The following DYNC2H1 variants were observed in gnomAD, a reference collection of about 807,000 sequenced individuals.
DYNC2H1 encodes dynein cytoplasmic 2 heavy chain 1.
In DYNC2H1, 410 loss-of-function variants were observed where a neutral mutation model predicts 570.0. The ratio of observed to expected loss-of-function variants is 0.72; its 90% confidence interval spans 0.66 to 0.78. The LOEUF (loss-of-function observed/expected upper bound fraction) is 0.78. DYNC2H1 is among the 30% of genes least tolerant of loss of function. The probability of loss-of-function intolerance (pLI) is 0.00; values close to 1 mark genes in which losing one functional copy is unlikely to be tolerated. For missense variants in DYNC2H1, 4,865 were observed against 5,046.4 expected, an observed-to-expected ratio of 0.96 and a Z score of 1.09; for synonymous variants, 1,688 against 1,677.6, an observed-to-expected ratio of 1.01 and a Z score of -0.15.
Position 103,240,706 on chromosome 11 carries a change from A to G in DYNC2H1, c.9820-2987A>G, listed in dbSNP as rs1325185420. Among the ~76,000 whole-genome samples, 4 of 152,150 alleles carry G rather than the reference A, an allele frequency of 2.6e-5. No homozygotes were observed. The East Asian group carries it at 5.8e-4, about 22-fold the overall frequency. ...TTTGTATGTGGATAAATATATCATT[A>G]TACCAGCTGGTTCCTTGTCTCCAGT... On this transcript the variant is annotated intron_variant, in intron 63 of 88. Transcript: ENST00000375735.
intron 76 of DYNC2H1, 44 bp downstream of exon 76, chr11:103,303,297 T>C (rs188087818): frequency 1.3e-6 from 2 of 1,579,152 alleles, no homozygotes; most frequent in East Asian, 2.3e-5. Context: ...GCTATTGCTG[T>C]TCCCACACTT....
intron 63 of DYNC2H1, among the ~76,000 whole-genome samples, chr11:103,240,089 A>T (rs1864372151): frequency 6.6e-6 from 1 of 152,132 alleles, no homozygotes; most frequent in Non-Finnish European, 1.5e-5. Flanking sequence ...AAAACTAGCA[A>T]TTTATGCTTT....
chr11:103,424,140 G>T (rs1943585973), intron 84 of DYNC2H1, among the ~76,000 whole-genome samples: 1 of 152,070 alleles, frequency 6.6e-6, no homozygotes, highest in Admixed American at 6.6e-5. Context: ...TATTTTGGGG[G>T]ATTGATAAAA....
Position 103,121,483 on chromosome 11 carries a change from A to G in DYNC2H1, c.1472A>G (p.Gln491Arg). The G allele has an allele frequency of 6.2e-7, 1 of 1,612,388 alleles. No individual in the cohort carries two copies. Residue 491 changes from glutamine (Q) to arginine (R), a missense_variant, in exon 10 of 89, where the codon CAG becomes CGG. By Grantham distance (43) the Gln-to-Arg change is conservative (BLOSUM62 1). This residue lies in a region of DYNC2H1 where 1,936 missense variants were observed against 1,962.1 expected (regional missense o/e 0.99). Coordinates refer to ENST00000375735, the MANE Select transcript of DYNC2H1 (RefSeq NM_001377.3). ...EVVNSIVWVRQLELKVDDTIK... is the reference protein window; with the variant it reads ...EVVNSIVWVRRLELKVDDTIK... The stretch of plus-strand genomic sequence containing the variant: ...GTCAACAGTATAGTTTGGGTTCGCC[A>G]GTTGGAATTGAAGGTATTTATTTTA...
chr11:103,335,530 G>GC (rs1249662491), intron 82 of DYNC2H1, among the ~76,000 whole-genome samples: 2 of 151,868 alleles, frequency 1.3e-5, no homozygotes, highest in African/African-American at 2.4e-5. Context: ...TTTGAGAATT[G>GC]TTTTTTTAAA....
intron 84 of DYNC2H1, among the ~76,000 whole-genome samples, chr11:103,425,512 T>C (rs1036345943): frequency 2.0e-5 from 3 of 152,082 alleles, no homozygotes; most frequent in Admixed American, 6.6e-5. Context: ...TTCACCCTCA[T>C]AACCTATTTC....
intron 56 of DYNC2H1, 111 bp downstream of exon 56, chr11:103,220,139 T>A: frequency 1.7e-6 from 1 of 581,752 alleles, no homozygotes; most frequent in Non-Finnish European, 2.7e-6. Context: ...TTATAAAATG[T>A]GGTTTTCAAC....
chr11:103,377,359 G>C (rs1941435460), intron 83 of DYNC2H1, among the ~76,000 whole-genome samples: 1 of 151,724 alleles, frequency 6.6e-6, no homozygotes. Flanking sequence ...TTTTCTTCAA[G>C]TTCAGAGACT....
rs745651841 is a variant in DYNC2H1, at chr11:103,391,896, A to AT, written c.12157-7765dup. 2.1e-3 allele frequency among the ~76,000 whole-genome samples: 277 copies of AT among 129,532 alleles called. 1 individual carries two copies. Among genetic ancestry groups the AT allele is most frequent in the Non-Finnish European group, 4.2e-3 (233 of 55,068 alleles). 85.0% of individuals were successfully genotyped at this position (129,532 alleles called of 152,430 possible). ...GGGGTACCCAGCCGTGTGAGGTGTC[A>AT]TTGTGCCCCTACTGGGGGGTGCCTC... On this transcript the variant is annotated intron_variant, in intron 83 of 88. Transcript: ENST00000375735.
In DYNC2H1 at chr11:103,399,983, A is replaced by C. The variant is rs1942570630; in HGVS notation, c.12366+111A>C. On this transcript the variant is annotated intron_variant, in intron 84 of 88. Transcript: ENST00000375735. ...GTTAATAGCAGAAGACCCGAGTCAC[A>C]CTGGCTTAAGCCATATAAAAATTAA... The C allele has an allele frequency of 7.9e-6, 7 of 884,782 alleles. No individual in the cohort carries two copies. In the South Asian group the frequency reaches 1.3e-4, roughly 16 times the overall value. The allele number at this position is 884,782 out of a possible 1,614,324, so 54.8% of individuals were successfully genotyped here. A position where few individuals can be genotyped will look rare whatever the true frequency, so the allele number is the denominator to read the frequency against.
chr11:103,362,674 C>T (rs991176110), intron 83 of DYNC2H1, among the ~76,000 whole-genome samples: 4 of 152,176 alleles, frequency 2.6e-5, no homozygotes, highest in South Asian at 4.2e-4. Context: ...CCAAATAGAG[C>T]GCTACAAAGT....
intron 82 of DYNC2H1, among the ~76,000 whole-genome samples, chr11:103,352,144 A>G (rs1010810108): frequency 1.3e-5 from 2 of 152,050 alleles, no homozygotes; most frequent in South Asian, 2.1e-4. Flanking sequence ...ACCATTAGCT[A>G]TCTACCATTT....
At chr11:103,221,946 A>C (rs544778650) in intron 57 of DYNC2H1, 84 bp from the exon 58 acceptor site, 2 of 1,412,662 alleles carry the variant, frequency 1.4e-6, no homozygotes, top group Non-Finnish European at 2.0e-6. Flanking sequence ...AAAGTATTGC[A>C]TACACCATTT....
chr11:103,332,566 C>G (rs896487638), intron 82 of DYNC2H1, among the ~76,000 whole-genome samples: 1 of 152,130 alleles, frequency 6.6e-6, no homozygotes, highest in African/African-American at 2.4e-5. Context: ...ACACCACATA[C>G]AAGAAACAAA....
chr11:103,230,861 C>T (rs1863979955), intron 59 of DYNC2H1, among the ~76,000 whole-genome samples: 1 of 152,078 alleles, frequency 6.6e-6, no homozygotes, highest in Non-Finnish European at 1.5e-5. Flanking sequence ...CAGAGTGAGA[C>T]TCTGTCTCTT....
intron 39 of DYNC2H1, among the ~76,000 whole-genome samples, chr11:103,179,537 A>T (rs1861763325): frequency 6.6e-6 from 1 of 151,872 alleles, no homozygotes; most frequent in African/African-American, 2.4e-5. Context: ...AGAAGTGAAC[A>T]TATTAATTAT....
chr11:103,234,159 A>AG lies in DYNC2H1; in HGVS notation c.9567+1dup. 1 of 1,584,492 alleles carries AG rather than the reference A, an allele frequency of 6.3e-7. No individual in the cohort carries two copies. Among genetic ancestry groups the AG allele is most frequent in the Non-Finnish European group, 8.6e-7 (1 of 1,163,912 alleles). The stretch of plus-strand genomic sequence containing the variant: ...AGAGAACATAAGAGATGGAATGCAC[A>AG]GGTTTGTTTGAGAGAGGGGCCATGA... On this transcript the variant is annotated frameshift_variant and splice_region_variant, in exon 61 of 89. Transcript: ENST00000375735. LOFTEE classifies it high-confidence loss of function.
intron 84 of DYNC2H1, 70 bp from the exon 85 acceptor site, chr11:103,435,873 C>T (rs1944042471): frequency 6.7e-7 from 1 of 1,497,778 alleles, no homozygotes; most frequent in Non-Finnish European, 9.1e-7. Context: ...CTCCATCACA[C>T]TAGTGTTAGT....
Position 103,347,401 on chromosome 11 carries a change from A to T in DYNC2H1, c.12040-10842A>T, listed in dbSNP as rs1381096560. Among the ~76,000 whole-genome samples, 4 of 151,662 alleles carry T rather than the reference A, an allele frequency of 2.6e-5. No homozygotes were observed. In the Admixed American group the frequency reaches 2.6e-4, roughly 10 times the overall value. On this transcript the variant is annotated intron_variant, in intron 82 of 88. Coordinates refer to ENST00000375735, the MANE Select transcript of DYNC2H1 (RefSeq NM_001377.3). ...CAATTAATTTTTGTTTCTTGGGAGA[A>T]GTAATGGCATTATAGTAGTTATATC... is the stretch of plus-strand genomic sequence containing the variant.
Sources: allele counts gnomAD v4.1 joint callset (sites outside exome capture counted in the v4.1 genomes callset), GRCh38; gene constraint gnomAD v4.1.1; regional missense constraint gnomAD v4.1.1; transcripts MANE v1.5; gene names NCBI Gene and HGNC (gene_info 2026-07-23, HGNC 2026-07-21).